RBBP8: variants seen among roughly 807,000 people sequenced by gnomAD.
RBBP8 encodes DNA endonuclease RBBP8.
A neutral mutation model predicts 108.3 loss-of-function variants in RBBP8; 88 were observed. The observed-to-expected ratio is 0.81, with a 90% CI of 0.68 to 0.97. RBBP8 has a LOEUF of 0.97. RBBP8 is among the 50% of genes least tolerant of loss of function. The pLI, the probability that RBBP8 is intolerant of heterozygous loss-of-function variation, is 0.00. For synonymous variants in RBBP8, 332 were observed against 348.2 expected, an observed-to-expected ratio of 0.95 and a Z score of 0.52; for missense variants, 1,023 against 1,049.0, an observed-to-expected ratio of 0.98 and a Z score of 0.34.
chr18:23,003,559 A>G (rs2045983369), intron 15 of RBBP8, among the ~76,000 whole-genome samples: 1 of 152,200 alleles, frequency 6.6e-6, no homozygotes, highest in Admixed American at 6.5e-5. Context: ...AACTTAGCAC[A>G]ATGCTCAGTA....
At chr18:22,928,939 G>C (rs1432999311), upstream of RBBP8, among the ~76,000 whole-genome samples, 2 of 152,126 alleles carry the variant, frequency 1.3e-5, no homozygotes, top group Non-Finnish European at 2.9e-5. Flanking sequence ...CAAAGTGCAG[G>C]GATTATAGGC....
At chr18:22,957,289 T>TCC (rs1322766552) in intron 4 of RBBP8, among the ~76,000 whole-genome samples, 1 of 103,992 alleles carries the variant, frequency 9.6e-6, no homozygotes, top group Non-Finnish European at 2.0e-5. Context: ...TAATTACTTT[T>TCC]TCTTTTTTTT....
At chr18:23,025,420 G>C (rs1294878331) in intron 18 of RBBP8, among the ~76,000 whole-genome samples, 1 of 152,172 alleles carries the variant, frequency 6.6e-6, no homozygotes, top group Non-Finnish European at 1.5e-5. Context: ...GTCTCTGACA[G>C]CTTTCACTGT....
At chr18:22,964,350 C>T (rs1367907897) in intron 4 of RBBP8, among the ~76,000 whole-genome samples, 2 of 149,890 alleles carry the variant, frequency 1.3e-5, no homozygotes, top group African/African-American at 2.4e-5. Context: ...GATCTGTTAA[C>T]ATCCATTGTG....
chr18:22,954,164 C>T (rs1239870471), intron 4 of RBBP8, among the ~76,000 whole-genome samples: 1 of 152,154 alleles, frequency 6.6e-6, no homozygotes, highest in Non-Finnish European at 1.5e-5. Context: ...CATTTCAAGA[C>T]AATCATTGCC....
chr18:22,960,448 A>C (rs926315336), intron 4 of RBBP8, among the ~76,000 whole-genome samples: 1 of 152,302 alleles, frequency 6.6e-6, no homozygotes, highest in East Asian at 1.9e-4. Context: ...CAGGCTGCTG[A>C]GGTGGGAGGA....
rs1383022001 is a variant in RBBP8 at position 22,971,914 on chromosome 18, G to A, written c.361+2996G>A. On this transcript the variant is annotated intron_variant, in intron 5 of 18. Transcript: ENST00000327155. Reference sequence around the variant, plus strand: ...CTCACCTCGGCCTCCCAAAGTGCTGGGATTACCGTTGTGAGCCACCGTGCC... The same window carrying A: ...CTCACCTCGGCCTCCCAAAGTGCTGAGATTACCGTTGTGAGCCACCGTGCC... 8.6e-5 allele frequency among the ~76,000 whole-genome samples: 13 copies of A among 150,730 alleles called. No individual in the cohort carries two copies. The East Asian group carries it at 2.6e-3, about 30-fold the overall frequency.
intron 9 of RBBP8, among the ~76,000 whole-genome samples, chr18:22,990,086 T>C (rs1915577150): frequency 6.6e-6 from 1 of 152,206 alleles, no homozygotes; most frequent in South Asian, 2.1e-4. Context: ...TAATGGGTAG[T>C]TTTTAACCTT....
chr18:22,928,023 A>C (rs1255839335), intron 3 of RBBP8, among the ~76,000 whole-genome samples: 1 of 152,126 alleles, frequency 6.6e-6, no homozygotes, highest in Non-Finnish European at 1.5e-5. Flanking sequence ...AGCCTGGCCA[A>C]CATGGCAAAA....
chr18:23,016,969 A>G, intron 17 of RBBP8, 45 bp downstream of exon 17: 2 of 1,329,910 alleles, frequency 1.5e-6, no homozygotes, highest in Non-Finnish European at 2.2e-6. Flanking sequence ...GTACGGCTTT[A>G]TAGATAATAA....
intron 16 of RBBP8, among the ~76,000 whole-genome samples, chr18:23,009,119 T>G (rs2046112014): frequency 6.6e-6 from 1 of 152,116 alleles, no homozygotes; most frequent in African/African-American, 2.4e-5. Context: ...TACTGATCGC[T>G]CTAACTCAAA....
upstream of RBBP8, among the ~76,000 whole-genome samples, chr18:22,928,332 A>G (rs74381311): frequency 0.046 from 6,973 of 152,282 alleles, 310 homozygotes; most frequent in African/African-American, 0.11. Flanking sequence ...AAAGATATAT[A>G]TTGAGGGCAT....
At chr18:22,919,579 G>A (rs1036223891) in intron 3 of RBBP8, among the ~76,000 whole-genome samples, 6 of 152,040 alleles carry the variant, frequency 3.9e-5, no homozygotes, top group African/African-American at 1.4e-4. Flanking sequence ...TTTTGAGAGA[G>A]AGAGTCTCGC....
At chr18:22,930,049 T>C (rs1294367741), upstream of RBBP8, among the ~76,000 whole-genome samples, 1 of 152,216 alleles carries the variant, frequency 6.6e-6, no homozygotes, top group Non-Finnish European at 1.5e-5. Context: ...CTACAGGATT[T>C]CATTTGTAAA....
At chr18:23,010,725 A>T (rs1479098960) in intron 16 of RBBP8, among the ~76,000 whole-genome samples, 1 of 152,070 alleles carries the variant, frequency 6.6e-6, no homozygotes, top group African/African-American at 2.4e-5. Context: ...AGGTGAATGG[A>T]AGTGTGGGGA....
intron 4 of RBBP8, among the ~76,000 whole-genome samples, chr18:22,960,411 T>C (rs980485661): frequency 2.6e-5 from 4 of 151,974 alleles, no homozygotes; most frequent in African/African-American, 4.8e-5. Context: ...CCCAGCATGG[T>C]GGTGAGTGCC....
chr18:22,961,195 T>C (rs946370334), intron 4 of RBBP8, among the ~76,000 whole-genome samples: 2 of 152,216 alleles, frequency 1.3e-5, no homozygotes, highest in Admixed American at 6.5e-5. Context: ...AAAACTTGCA[T>C]GTGTAGCTGG....
chr18:22,952,054 A>G (rs1409578213), intron 4 of RBBP8, among the ~76,000 whole-genome samples: 1 of 152,186 alleles, frequency 6.6e-6, no homozygotes, highest in Non-Finnish European at 1.5e-5. Context: ...TATTTGAGGA[A>G]CAGAAAGTCT....
chr18:22,948,493 A>G (rs893170275), intron 3 of RBBP8, among the ~76,000 whole-genome samples: 1 of 152,132 alleles, frequency 6.6e-6, no homozygotes, highest in Non-Finnish European at 1.5e-5. Context: ...TACCATAACT[A>G]TATTTGTTGT....
Sources: gnomAD v4.1 joint callset for allele counts (sites outside exome capture counted in the v4.1 genomes callset) on GRCh38, gnomAD v4.1.1 for gene constraint, MANE v1.5 for transcripts, NCBI Gene and HGNC (gene_info 2026-07-23, HGNC 2026-07-21) for gene names.